COL11A1: variants seen among roughly 807,000 people sequenced by gnomAD.
COL11A1 encodes collagen type XI alpha 1 chain.
Under a neutral mutation model 265.2 loss-of-function variants are expected in COL11A1, and 74 were observed. The observed-to-expected ratio is 0.28, with a 90% CI of 0.23 to 0.34. The LOEUF is 0.34. Among genes scored for constraint, COL11A1 ranks in the 10% least tolerant of loss-of-function variants. The pLI, the probability that COL11A1 is intolerant of heterozygous loss-of-function variation, is 1.00. For missense variants in COL11A1, 2,165 were observed against 2,263.6 expected (o/e 0.96, Z 0.88); for synonymous variants, 816 against 727.6 (o/e 1.12, Z -1.96).
At chr1:103,004,373 A>T (rs770069631) in intron 20 of COL11A1, 71 bp downstream of exon 20, 146 of 1,102,924 alleles carry the variant, frequency 1.3e-4, no homozygotes, top group Non-Finnish European at 2.0e-4. Context: ...CATTGTTTTT[A>T]TATGTGTAAC....
intron 1 of COL11A1, among the ~76,000 whole-genome samples, chr1:103,098,806 TA>T (rs1673998375): frequency 6.6e-6 from 1 of 151,858 alleles, no homozygotes; most frequent in African/African-American, 2.4e-5. Flanking sequence ...AGACAATATC[TA>T]AATCTCAAGC....
At chr1:102,911,287 G>A (rs1654643386) in intron 54 of COL11A1, among the ~76,000 whole-genome samples, 1 of 152,056 alleles carries the variant, frequency 6.6e-6, no homozygotes, top group South Asian at 2.1e-4. Flanking sequence ...AATTTGTATT[G>A]CTGAGAGACA....
chr1:102,946,154 A>G (rs954714073), intron 42 of COL11A1, among the ~76,000 whole-genome samples: 3 of 124,396 alleles, frequency 2.4e-5, no homozygotes, highest in Admixed American at 8.9e-5. Context: ...AGGAAGGAGA[A>G]CATGACACTC....
chr1:103,044,424 G>C (rs1669086072), intron 4 of COL11A1, among the ~76,000 whole-genome samples: 1 of 152,000 alleles, frequency 6.6e-6, no homozygotes, highest in Admixed American at 6.6e-5. Context: ...AATTAGCAGT[G>C]TCTTATATTA....
intron 57 of COL11A1, among the ~76,000 whole-genome samples, chr1:102,896,691 C>T (rs1378797713): frequency 6.6e-6 from 1 of 152,068 alleles, no homozygotes; most frequent in African/African-American, 2.4e-5. Context: ...GACAAAAATA[C>T]AAAAGTTTGT....
intron 4 of COL11A1, among the ~76,000 whole-genome samples, chr1:103,069,250 G>A (rs1181467575): frequency 6.6e-6 from 1 of 151,770 alleles, no homozygotes; most frequent in South Asian, 2.1e-4. Flanking sequence ...AGTAATAGGT[G>A]CACTAATTGG....
At position 102,888,903 on chromosome 1, in the gene COL11A1, G is replaced by T; in HGVS notation, c.4481C>A (p.Ala1494Asp). The change falls in exon 60 of 67, where the codon GCT (alanine) becomes GAT (aspartate). Residue 1494 changes from alanine (A) to aspartate (D), a missense_variant. Coordinates refer to ENST00000370096, the MANE Select transcript of COL11A1 (RefSeq NM_001854.4). Reference protein sequence around the residue: ...AKGDGGIPGPAGPLGPPGPPG... With the variant: ...AKGDGGIPGPDGPLGPPGPPG... Reference sequence around the variant, plus strand: ...AGGACCAGGTGGACCTAAGGGACCAGCAGGACCAGGAATTCCCTAGAGAGA... The same window carrying T: ...AGGACCAGGTGGACCTAAGGGACCATCAGGACCAGGAATTCCCTAGAGAGA... 1 of 1,612,186 alleles carries T rather than the reference G, an allele frequency of 6.2e-7. No homozygotes were observed. Among genetic ancestry groups the T allele is most frequent in the Non-Finnish European group, 8.5e-7 (1 of 1,178,196 alleles).
chr1:103,039,980 C>G (rs1186443026), intron 4 of COL11A1, among the ~76,000 whole-genome samples: 1 of 151,962 alleles, frequency 6.6e-6, no homozygotes, highest in Non-Finnish European at 1.5e-5. Context: ...ATAGACACCC[C>G]TCAGTCCACT....
intron 41 of COL11A1, among the ~76,000 whole-genome samples, chr1:102,960,355 G>A (rs1030535685): frequency 3.3e-5 from 5 of 152,036 alleles, no homozygotes; most frequent in African/African-American, 1.2e-4. Flanking sequence ...GATGATTACT[G>A]TGCTTCAGGC....
chr1:102,897,441 A>ATAT (rs66523451), intron 57 of COL11A1, among the ~76,000 whole-genome samples: 291 of 150,510 alleles, frequency 1.9e-3, no homozygotes, highest in African/African-American at 5.3e-3. Context: ...ATAAGAAAAA[A>ATAT]AAATATATAT....
At chr1:103,089,581 T>G (rs1673151275) in intron 1 of COL11A1, among the ~76,000 whole-genome samples, 1 of 152,192 alleles carries the variant, frequency 6.6e-6, no homozygotes, top group Non-Finnish European at 1.5e-5. Context: ...GTAAACCCTC[T>G]GACAGTGAAC....
chr1:102,934,622 A>G (rs1009836004), intron 45 of COL11A1, 66 bp from the exon 46 acceptor site: 17 of 1,274,844 alleles, frequency 1.3e-5, no homozygotes, highest in Non-Finnish European at 1.9e-5. Flanking sequence ...TCATTAAAAA[A>G]TGTGGCCATT....
chr1:103,023,153 T>C (rs1037420227), intron 7 of COL11A1, among the ~76,000 whole-genome samples, 157 bp from the exon 8 acceptor site: 1 of 152,178 alleles, frequency 6.6e-6, no homozygotes, highest in Non-Finnish European at 1.5e-5. Context: ...TTCAGTATCA[T>C]TGAAAGAAAT....
At chr1:103,083,789 G>A (rs1672632275) in intron 1 of COL11A1, among the ~76,000 whole-genome samples, 1 of 152,260 alleles carries the variant, frequency 6.6e-6, no homozygotes, top group African/African-American at 2.4e-5. Context: ...AGTCCCTGGA[G>A]ATGAGTAATT....
chr1:103,090,072 C>T (rs546714963), intron 1 of COL11A1, among the ~76,000 whole-genome samples: 7 of 151,140 alleles, frequency 4.6e-5, no homozygotes, highest in African/African-American at 1.5e-4. Flanking sequence ...TGCAGCGAGC[C>T]GAGATCACAC....
chr1:102,938,898 T>A lies in COL11A1; in HGVS notation c.3438+137A>T, dbSNP rs1308941480. ...AAATATATAAAATTATAGAATGATATAACTGCAGAGGTAATGTAGTATTGG... is the reference window on the plus strand; with the variant it reads ...AAATATATAAAATTATAGAATGATAAAACTGCAGAGGTAATGTAGTATTGG... On this transcript the variant is annotated intron_variant, in intron 44 of 66. Transcript: ENST00000370096. The A allele has an allele frequency of 4.2e-6, 3 of 715,078 alleles. No homozygotes were observed. In the East Asian group the frequency reaches 8.0e-5, roughly 19 times the overall value. 44.3% of individuals were successfully genotyped at this position (715,078 alleles called of 1,614,324 possible). A position where few individuals can be genotyped will look rare whatever the true frequency, so the allele number is the denominator to read the frequency against.
intron 1 of COL11A1, among the ~76,000 whole-genome samples, chr1:103,092,220 A>G (rs1673379675): frequency 1.3e-5 from 2 of 152,144 alleles, no homozygotes. Context: ...TTTGAAATGT[A>G]TAGGTCCAGT....
At chr1:103,079,398 T>C (rs1339576662) in intron 2 of COL11A1, among the ~76,000 whole-genome samples, 1 of 152,090 alleles carries the variant, frequency 6.6e-6, no homozygotes, top group Non-Finnish European at 1.5e-5. Flanking sequence ...AAGAAGCATA[T>C]GTCATTATGA....
intron 9 of COL11A1, 145 bp from the exon 10 acceptor site, chr1:103,019,004 G>C: frequency 1.5e-6 from 1 of 645,818 alleles, no homozygotes; most frequent in South Asian, 2.4e-5. Flanking sequence ...AAATGTTTTT[G>C]CACAGGGAAG....
Sources: gnomAD v4.1 joint callset for allele counts (sites outside exome capture counted in the v4.1 genomes callset) on GRCh38, gnomAD v4.1.1 for gene constraint, MANE v1.5 for transcripts, NCBI Gene and HGNC (gene_info 2026-07-23, HGNC 2026-07-21) for gene names.